TRAF3: variants seen among roughly 807,000 people sequenced by gnomAD.
The protein encoded by TRAF3 is TNF receptor associated factor 3.
A neutral mutation model predicts 62.3 loss-of-function variants in TRAF3; 13 were observed. The ratio of observed to expected loss-of-function variants is 0.21; its 90% CI spans 0.14 to 0.33. The LOEUF (loss-of-function observed/expected upper bound fraction) is 0.33. Ranked by LOEUF, TRAF3 falls within the 10% of genes least tolerant of loss-of-function variation. The pLI is 1.00. For synonymous variants in TRAF3, 269 were observed against 283.4 expected (o/e 0.95, Z 0.51); for missense variants, 440 against 741.8 (o/e 0.59, Z 4.73).
At chr14:102,789,018 C>T (rs1897650501) in intron 1 of TRAF3, among the ~76,000 whole-genome samples, 1 of 152,110 alleles carries the variant, frequency 6.6e-6, no homozygotes, top group African/African-American at 2.4e-5. Flanking sequence ...ATTAAGTAAT[C>T]ACTCCCATTC....
intron 1 of TRAF3, among the ~76,000 whole-genome samples, chr14:102,790,204 G>A (rs1649657741): frequency 6.6e-6 from 1 of 152,186 alleles, no homozygotes; most frequent in South Asian, 2.1e-4. Flanking sequence ...TATGGAATGA[G>A]ATAGGAGTCC....
At chr14:102,796,939 G>A (rs1898123240) in intron 1 of TRAF3, among the ~76,000 whole-genome samples, 1 of 152,208 alleles carries the variant, frequency 6.6e-6, no homozygotes, top group African/African-American at 2.4e-5. Flanking sequence ...TAGGCACTAC[G>A]TACTTTCTCA....
At chr14:102,853,341 A>T (rs951764362) in intron 2 of TRAF3, among the ~76,000 whole-genome samples, 2 of 152,102 alleles carry the variant, frequency 1.3e-5, no homozygotes, top group African/African-American at 4.8e-5. Flanking sequence ...CCTGCCTGCT[A>T]GCCATTTTTT....
chr14:102,897,299 G>C lies in TRAF3; in HGVS notation c.858G>C (p.Lys286Asn). The change falls in exon 10 of 12, where the codon AAG (lysine) becomes AAC (asparagine). Residue 286 changes from lysine (K) to asparagine (N), a missense_variant. Coordinates refer to ENST00000392745, the MANE Select transcript of TRAF3 (RefSeq NM_145725.3). Reference protein sequence around the residue: ...LLQNESVEKNKSIQSLHNQIC... With the variant: ...LLQNESVEKNNSIQSLHNQIC... Reference sequence around the variant, plus strand: ...AGAATGAAAGTGTAGAAAAAAACAAGAGCATACAAAGTTTGCACAATCAGA... The same window carrying C: ...AGAATGAAAGTGTAGAAAAAAACAACAGCATACAAAGTTTGCACAATCAGA... 6.2e-7 allele frequency: 1 copy of C among 1,613,654 alleles called. No individual in the cohort carries two copies. Among genetic ancestry groups the C allele is most frequent in the Non-Finnish European group, 8.5e-7 (1 of 1,179,832 alleles).
intron 2 of TRAF3, among the ~76,000 whole-genome samples, chr14:102,842,666 A>C (rs570014295): frequency 6.6e-6 from 1 of 152,286 alleles, no homozygotes; most frequent in South Asian, 2.1e-4. Flanking sequence ...AATCCAAGGT[A>C]CCTCATAATC....
intron 1 of TRAF3, among the ~76,000 whole-genome samples, chr14:102,786,623 G>T (rs993497397): frequency 1.3e-4 from 20 of 152,082 alleles, no homozygotes; most frequent in Admixed American, 1.0e-3. Context: ...GGAGGCAGAG[G>T]TTGCAGTGAG....
intron 4 of TRAF3, among the ~76,000 whole-genome samples, chr14:102,874,313 A>G (rs1392406844): frequency 2.6e-5 from 4 of 152,110 alleles, no homozygotes; most frequent in South Asian, 2.1e-4. Flanking sequence ...CTGGAGTACA[A>G]TGGCGTGATC....
In TRAF3 at chr14:102,905,934, C is replaced by T. The variant is rs531995901; in HGVS notation, c.*150C>T. 9.4e-6 allele frequency: 6 copies of T among 636,034 alleles called. No individual in the cohort carries two copies. Among genetic ancestry groups the T allele is most frequent in the Admixed American group, 2.9e-5 (1 of 34,168 alleles). 39.4% of individuals were successfully genotyped at this position (636,034 alleles called of 1,614,324 possible). Reference sequence around the variant, plus strand: ...GGACGCGTGCCGGCGGGAGGAGCCACGCGTGAGCACACCTGACACGTTTTA... The same window carrying T: ...GGACGCGTGCCGGCGGGAGGAGCCATGCGTGAGCACACCTGACACGTTTTA... On this transcript the variant is annotated 3_prime_UTR_variant, in exon 12 of 12. Transcript: ENST00000392745.
rs775312865 is a variant in TRAF3, at chr14:102,905,765, C to T, written c.1688C>T (p.Ser563Leu). Residue 563 changes from serine to leucine, a missense_variant, in exon 12 of 12, where the codon TCG becomes TTG. Ser to Leu is a moderately radical substitution (Grantham distance 145). Transcript: ENST00000392745. Reference protein sequence around the residue: ...TIFIKVIVDTSDLPDP With the variant: ...TIFIKVIVDTLDLPDP ...TTTATTAAAGTCATAGTGGATACTT[C>T]GGATCTGCCCGATCCCTGATAAGTA... 2.4e-5 allele frequency: 39 copies of T among 1,613,322 alleles called. No individual in the cohort carries two copies. In the East Asian group the frequency reaches 3.6e-4, roughly 15 times the overall value.
intron 3 of TRAF3, among the ~76,000 whole-genome samples, chr14:102,871,003 A>G (rs1292663905): frequency 1.3e-5 from 2 of 152,222 alleles, no homozygotes; most frequent in Non-Finnish European, 2.9e-5. Flanking sequence ...GCTTTACTGC[A>G]GAATAGCATC....
chr14:102,840,658 A>G (rs1375574106), intron 2 of TRAF3, among the ~76,000 whole-genome samples: 1 of 152,030 alleles, frequency 6.6e-6, no homozygotes, highest in African/African-American at 2.4e-5. Context: ...TACCTCGTGG[A>G]TTTTTTCATT....
At chr14:102,792,996 G>A (rs892117728) in intron 1 of TRAF3, among the ~76,000 whole-genome samples, 1 of 151,976 alleles carries the variant, frequency 6.6e-6, no homozygotes. Flanking sequence ...TTTTAGTAGC[G>A]ACAGGGTTTT....
intron 6 of TRAF3, among the ~76,000 whole-genome samples, chr14:102,881,979 A>G (rs1443105405): frequency 6.6e-6 from 1 of 152,262 alleles, no homozygotes; most frequent in Admixed American, 6.5e-5. Context: ...GTTGCTTAGG[A>G]TGCACAGGAG....
At chr14:102,824,525 C>T (rs757258421) in intron 1 of TRAF3, among the ~76,000 whole-genome samples, 8 of 152,222 alleles carry the variant, frequency 5.3e-5, no homozygotes, top group Non-Finnish European at 8.8e-5. Context: ...TCCCTTCAGG[C>T]GGAATGCCGA....
intron 6 of TRAF3, among the ~76,000 whole-genome samples, chr14:102,883,735 G>A (rs1162040204): frequency 1.3e-5 from 2 of 152,062 alleles, no homozygotes; most frequent in African/African-American, 2.4e-5. Context: ...ACGGGTGCCC[G>A]CCACCGCACC....
At chr14:102,810,835 C>T (rs769340565) in intron 1 of TRAF3, 2 of 152,210 alleles carry the variant, frequency 1.3e-5, no homozygotes, top group Admixed American at 6.5e-5. Context: ...TGGGTGTGGA[C>T]GTATTCTTTG....
chr14:102,801,485 T>C lies in TRAF3; in HGVS notation c.-157+23810T>C, dbSNP rs150882821. Among the ~76,000 whole-genome samples the C allele has an allele frequency of 5.4e-3, 817 of 152,168 alleles. 6 individuals are homozygous for C. The highest frequency in any genetic ancestry group is 9.9e-3 in the Admixed American group (151 of 15,278). On this transcript the variant is annotated intron_variant, in intron 1 of 11. Coordinates refer to ENST00000392745, the MANE Select transcript of TRAF3 (RefSeq NM_145725.3). ...AGTATATGCCATGTTAGTGTGTTGG[T>C]ATGTGTAGAAAACTCTTGGCAGTTA... is the stretch of plus-strand genomic sequence containing the variant.
At chr14:102,790,962 G>A (rs1897756678) in intron 1 of TRAF3, among the ~76,000 whole-genome samples, 1 of 151,752 alleles carries the variant, frequency 6.6e-6, no homozygotes, top group South Asian at 2.1e-4. Context: ...TGCTTTGGGG[G>A]GTTGCAATCT....
chr14:102,862,064 G>A (rs1887709422), intron 2 of TRAF3, among the ~76,000 whole-genome samples: 1 of 152,124 alleles, frequency 6.6e-6, no homozygotes, highest in Non-Finnish European at 1.5e-5. Context: ...ATGAAGTTCA[G>A]TTTATCTAGT....
Sources: gnomAD v4.1 joint callset for allele counts (sites outside exome capture counted in the v4.1 genomes callset) on GRCh38, gnomAD v4.1.1 for gene constraint, MANE v1.5 for transcripts, NCBI Gene and HGNC (gene_info 2026-07-23, HGNC 2026-07-21) for gene names.